Variants in MOXD1 observed in about 807,000 individuals in gnomAD.
The protein encoded by MOXD1 is monooxygenase DBH like 1.
In MOXD1, 62 loss-of-function variants were observed where a neutral mutation model predicts 66.6. The observed-to-expected ratio is 0.93, with a 90% confidence interval of 0.76 to 1.15. MOXD1 has a LOEUF of 1.15. Among genes scored for constraint, MOXD1 ranks in the 50% most tolerant of loss-of-function variants. The pLI is 0.00. For missense variants in MOXD1, 847 were observed against 754.6 expected, an observed-to-expected ratio of 1.12 and a Z score of -1.44; for synonymous variants, 303 against 281.9, an observed-to-expected ratio of 1.07 and a Z score of -0.75.
chr6:132,302,314 ACAGAATGTG>A (rs1695984725), intron 10 of MOXD1, among the ~76,000 whole-genome samples: 1 of 152,170 alleles, frequency 6.6e-6, no homozygotes, highest in African/African-American at 2.4e-5. Context: ...GTACTAATTA[ACAGAATGTG>A]CATAATGTCC....
intron 1 of MOXD1, among the ~76,000 whole-genome samples, chr6:132,378,147 T>C (rs1254583463): frequency 6.6e-6 from 1 of 152,008 alleles, no homozygotes; most frequent in Non-Finnish European, 1.5e-5. Context: ...AAAAAAATTT[T>C]TTTTTCATAT....
In MOXD1 at chr6:132,315,743, G is replaced by A. The variant is rs773790644; in HGVS notation, c.1400C>T (p.Ser467Leu). 1.9e-6 allele frequency: 3 copies of A among 1,613,450 alleles called. No homozygotes were observed. Among genetic ancestry groups the A allele is most frequent in the East Asian group, 2.2e-5 (1 of 44,846 alleles). Reference protein sequence around the residue: ...GLSTRSEMCLSYLLYYPRINL... With the variant: ...GLSTRSEMCLLYLLYYPRINL... ...AATTCTTGGGTAATAAAGAAGGTAT[G>A]AGAGACACATTTCACTCCTGGTGCT... Residue 467 changes from serine (S) to leucine (L), a missense_variant, in exon 10 of 12, where the codon TCA becomes TTA. Physicochemically the swap from Ser to Leu is moderately radical, Grantham distance 145. Transcript: ENST00000367963.
intron 1 of MOXD1, among the ~76,000 whole-genome samples, chr6:132,395,668 T>A (rs1415740360): frequency 1.3e-5 from 2 of 152,092 alleles, no homozygotes; most frequent in African/African-American, 4.8e-5. Context: ...TAACTGAAAT[T>A]AAAGGATGGG....
Position 132,297,299 on chromosome 6 carries a change from A to C in MOXD1, c.1696T>G (p.Leu566Val). ...AEWSIQGMTA[L>V]PPDIERPYKA... ...TAGGGTCTTTCTATATCTGGAGGTA[A>C]TGCTGTCATTCCTTGAATCTGAAAA... Residue 566 changes from leucine (L) to valine (V), a missense_variant, in exon 12 of 12, where the codon TTA becomes GTA. Coordinates refer to ENST00000367963, the MANE Select transcript of MOXD1 (RefSeq NM_015529.4). The C allele has an allele frequency of 1.2e-6, 2 of 1,612,932 alleles. No individual in the cohort carries two copies. Among genetic ancestry groups the C allele is most frequent in the Non-Finnish European group, 1.7e-6 (2 of 1,179,340 alleles).
At chr6:132,302,775 G>A (rs1403888433) in intron 10 of MOXD1, among the ~76,000 whole-genome samples, 1 of 151,988 alleles carries the variant, frequency 6.6e-6, no homozygotes, top group Non-Finnish European at 1.5e-5. Context: ...AAATGACAAA[G>A]TTTTGGAGAC....
intron 4 of MOXD1, among the ~76,000 whole-genome samples, chr6:132,358,111 T>C (rs1045246695): frequency 3.3e-5 from 5 of 152,210 alleles, no homozygotes; most frequent in Non-Finnish European, 5.9e-5. Context: ...AGAAAAGTTC[T>C]GTAAATTACT....
chr6:132,319,842 C>A (rs904467991), intron 9 of MOXD1, among the ~76,000 whole-genome samples: 1 of 151,982 alleles, frequency 6.6e-6, no homozygotes, highest in Non-Finnish European at 1.5e-5. Context: ...TAAATGTCTC[C>A]CCTGTCAACA....
chr6:132,388,074 C>G (rs2114689187), intron 1 of MOXD1, among the ~76,000 whole-genome samples: 1 of 151,422 alleles, frequency 6.6e-6, no homozygotes, highest in Non-Finnish European at 1.5e-5. Flanking sequence ...TAATCTCTCC[C>G]ACCTATATAT....
At chr6:132,396,918 C>T (rs1776894121) in intron 1 of MOXD1, among the ~76,000 whole-genome samples, 1 of 152,214 alleles carries the variant, frequency 6.6e-6, no homozygotes, top group Non-Finnish European at 1.5e-5. Flanking sequence ...AGACTTGGGG[C>T]TTCACTGCTG....
intron 6 of MOXD1, among the ~76,000 whole-genome samples, chr6:132,327,763 GT>G (rs200955721): frequency 9.2e-5 from 14 of 151,972 alleles, no homozygotes; most frequent in South Asian, 4.2e-4. Flanking sequence ...GCATGCAAGT[GT>G]TTTTTTTGTA....
chr6:132,377,859 G>A (rs1348328541), intron 1 of MOXD1, among the ~76,000 whole-genome samples: 7 of 152,138 alleles, frequency 4.6e-5, no homozygotes, highest in African/African-American at 7.2e-5. Context: ...TGGGCGCAGT[G>A]GCTCATGCCT....
intron 10 of MOXD1, among the ~76,000 whole-genome samples, chr6:132,309,841 C>T (rs527462128): frequency 1.3e-5 from 2 of 152,308 alleles, no homozygotes; most frequent in East Asian, 3.9e-4. Context: ...ACACCTTATA[C>T]ACAAATTAAC....
At chr6:132,319,742 A>G (rs917988002) in intron 9 of MOXD1, among the ~76,000 whole-genome samples, 1 of 151,824 alleles carries the variant, frequency 6.6e-6, no homozygotes, top group Non-Finnish European at 1.5e-5. Context: ...GAAAAAAAAA[A>G]CGGTATTTCA....
chr6:132,324,046 T>A lies in MOXD1; in HGVS notation c.998A>T (p.Lys333Ile). ...AGCCTCAATCACCCCAGCATCATAT[T>A]TCCTTATATCCATTGTGTAAAATAA... ...LRLFYTMDIR[K>I]YDAGVIEAGL... Residue 333 changes from lysine (K) to isoleucine (I), a missense_variant, in exon 7 of 12, where the codon AAA becomes ATA. By Grantham distance (102) the Lys-to-Ile change is moderately radical (BLOSUM62 -3). Coordinates refer to ENST00000367963, the MANE Select transcript of MOXD1 (RefSeq NM_015529.4). 1 of 1,613,938 alleles carries A rather than the reference T, an allele frequency of 6.2e-7. No individual in the cohort carries two copies. Among genetic ancestry groups the A allele is most frequent in the Non-Finnish European group, 8.5e-7 (1 of 1,179,900 alleles).
chr6:132,399,453 A>T (rs927463188), intron 1 of MOXD1, among the ~76,000 whole-genome samples: 1 of 152,208 alleles, frequency 6.6e-6, no homozygotes, highest in Non-Finnish European at 1.5e-5. Flanking sequence ...AAATCAATCT[A>T]AAGAGTACTT....
At chr6:132,342,712 A>C (rs751067316) in intron 4 of MOXD1, among the ~76,000 whole-genome samples, 1 of 152,248 alleles carries the variant, frequency 6.6e-6, no homozygotes, top group Non-Finnish European at 1.5e-5. Context: ...CATTTCACAG[A>C]GTCAAATGCA....
At position 132,372,955 on chromosome 6, in the gene MOXD1, C is replaced by T. The variant is rs148191498; in HGVS notation, c.454G>A (p.Ala152Thr). The change falls in exon 3 of 12, where the codon GCA becomes ACA. Residue 152 changes from alanine to threonine, a missense_variant. By Grantham distance (58) the Ala-to-Thr change is moderately conservative. Coordinates refer to ENST00000367963, the MANE Select transcript of MOXD1 (RefSeq NM_015529.4). The stretch of plus-strand genomic sequence containing the variant: ...TGGTACTTGGGACCAGCTTCTCCTG[C>T]ATCTTCATGGTGGTAGGCCCAGATC... ...RVIWAYHHED[A>T]GEAGPKYHDS... 10 of 1,613,854 alleles carry T rather than the reference C, an allele frequency of 6.2e-6. No homozygotes were observed. The African/African-American group carries it at 1.2e-4, about 19-fold the overall frequency.
intron 1 of MOXD1, among the ~76,000 whole-genome samples, chr6:132,394,211 T>C (rs1290012470): frequency 1.3e-5 from 2 of 152,158 alleles, no homozygotes; most frequent in Non-Finnish European, 1.5e-5. Context: ...TGACACTGTT[T>C]ACAGCTGGAA....
At chr6:132,385,793 A>G (rs1271432947) in intron 1 of MOXD1, among the ~76,000 whole-genome samples, 1 of 151,856 alleles carries the variant, frequency 6.6e-6, no homozygotes, top group Non-Finnish European at 1.5e-5. Context: ...AGCCCAACCA[A>G]TATACTGAAA....
Sources: allele counts gnomAD v4.1 joint callset (sites outside exome capture counted in the v4.1 genomes callset), GRCh38; gene constraint gnomAD v4.1.1; transcripts MANE v1.5; gene names NCBI Gene and HGNC (gene_info 2026-07-23, HGNC 2026-07-21).